The following CLOCK variants were observed in gnomAD, a reference collection of about 807,000 sequenced individuals.
CLOCK encodes the protein circadian locomoter output cycles protein kaput.
CLOCK carries 43 observed loss-of-function variants against 118.4 expected under a neutral mutation model. The observed-to-expected ratio is 0.36, with a 90% CI of 0.28 to 0.47. The LOEUF is 0.47. Among genes scored for constraint, CLOCK ranks in the 20% least tolerant of loss-of-function variants. The probability of loss-of-function intolerance (pLI) is 1.00; values close to 1 mark genes in which losing one functional copy is unlikely to be tolerated. For synonymous variants in CLOCK, 326 were observed against 339.2 expected (o/e 0.96, Z 0.43); for missense variants, 846 against 999.9 (o/e 0.85, Z 2.08).
chr4:55,441,199 CAACTT>C (rs1443406736), intron 21 of CLOCK, among the ~76,000 whole-genome samples: 1 of 152,150 alleles, frequency 6.6e-6, no homozygotes, highest in Non-Finnish European at 1.5e-5. Flanking sequence ...CAGGGAAACT[CAACTT>C]AAAACCACAA....
intron 8 of CLOCK, among the ~76,000 whole-genome samples, chr4:55,468,981 TG>T (rs2109847483): frequency 6.6e-6 from 1 of 152,314 alleles, no homozygotes; most frequent in South Asian, 2.1e-4. Flanking sequence ...TGGTGATGCT[TG>T]TGTAAACAAA....
At position 55,500,562 on chromosome 4, in the gene CLOCK, G is replaced by A. The variant is rs536564215; in HGVS notation, c.-136+9350C>T. Among the ~76,000 whole-genome samples the A allele has an allele frequency of 1.5e-3, 226 of 152,084 alleles. 2 individuals are homozygous for A. Among genetic ancestry groups the A allele is most frequent in the African/African-American group, 5.2e-3 (216 of 41,506 alleles). On this transcript the variant is annotated intron_variant, in intron 2 of 22. Transcript: ENST00000513440. ...GACAAGATCTCATTATGTTGCCCAG[G>A]CTGGTCTCTAACTCCTGGGCTCAAG...
intron 2 of CLOCK, among the ~76,000 whole-genome samples, chr4:55,507,193 T>C (rs1728862866): frequency 6.6e-6 from 1 of 152,120 alleles, no homozygotes; most frequent in African/African-American, 2.4e-5. Context: ...TATGCACCTA[T>C]AGTCTCAGCT....
chr4:55,441,181 T>C (rs949927464), intron 21 of CLOCK, among the ~76,000 whole-genome samples: 1 of 152,150 alleles, frequency 6.6e-6, no homozygotes, highest in Admixed American at 6.5e-5. Context: ...CCTCAAAAGA[T>C]AGATGTTCAG....
chr4:55,457,559 T>C (rs1725003709), intron 11 of CLOCK, among the ~76,000 whole-genome samples: 1 of 152,176 alleles, frequency 6.6e-6, no homozygotes, highest in Non-Finnish European at 1.5e-5. Flanking sequence ...CAGTGGTTCC[T>C]TGTGCTAAAC....
intron 3 of CLOCK, among the ~76,000 whole-genome samples, chr4:55,483,070 T>TTTG (rs1727038908): frequency 6.6e-6 from 1 of 152,204 alleles, no homozygotes; most frequent in South Asian, 2.1e-4. Context: ...TTCTCTTTAC[T>TTTG]ATCAATCAAA....
chr4:55,517,407 G>A lies in CLOCK; in HGVS notation c.-289-7342C>T, dbSNP rs547203062. Among the ~76,000 whole-genome samples the A allele has an allele frequency of 7.2e-4, 110 of 152,304 alleles. 1 individual carries two copies. The Middle Eastern group carries it at 0.01, about 14-fold the overall frequency. On this transcript the variant is annotated intron_variant, in intron 1 of 22. Transcript: ENST00000513440. ...GGCCTGTAGTCCCAGCTACTCAGGA[G>A]GCTGAGGCAGGAGAATCACTTGAAC... is the stretch of plus-strand genomic sequence containing the variant.
chr4:55,435,317 A>C lies in CLOCK; in HGVS notation c.*98T>G. Reference sequence around the variant, plus strand: ...AGAACACTCAATACTGCATCTCATGAAACTGCTGGAACTTTCCCTCCTTTC... The same window carrying C: ...AGAACACTCAATACTGCATCTCATGCAACTGCTGGAACTTTCCCTCCTTTC... On this transcript the variant is annotated 3_prime_UTR_variant, in exon 23 of 23. Coordinates refer to ENST00000513440, the MANE Select transcript of CLOCK (RefSeq NM_004898.4). The C allele has an allele frequency of 7.0e-7, 1 of 1,427,312 alleles. No individual in the cohort carries two copies. Among genetic ancestry groups the C allele is most frequent in the Non-Finnish European group, 9.9e-7 (1 of 1,014,704 alleles). The allele number at this position is 1,427,312 out of a possible 1,614,324, so 88.4% of individuals were successfully genotyped here. A position where few individuals can be genotyped will look rare whatever the true frequency, so the allele number is the denominator to read the frequency against.
chr4:55,505,928 T>C lies in CLOCK; in HGVS notation c.-136+3984A>G, dbSNP rs923529639. Reference sequence around the variant, plus strand: ...GAACCATTTGAAAGTAAAATGCACATATCATACCTTTTTACCTCTAAATAC... The same window carrying C: ...GAACCATTTGAAAGTAAAATGCACACATCATACCTTTTTACCTCTAAATAC... On this transcript the variant is annotated intron_variant, in intron 2 of 22. Coordinates refer to ENST00000513440, the MANE Select transcript of CLOCK (RefSeq NM_004898.4). Among the ~76,000 whole-genome samples, 3 of 151,812 alleles carry C rather than the reference T, an allele frequency of 2.0e-5. No homozygotes were observed. The East Asian group carries it at 5.8e-4, about 30-fold the overall frequency.
intron 1 of CLOCK, among the ~76,000 whole-genome samples, chr4:55,536,513 C>A (rs1250874023): frequency 6.6e-6 from 1 of 152,060 alleles, no homozygotes; most frequent in Non-Finnish European, 1.5e-5. Context: ...GGGACCTGCC[C>A]CACCTTGCTC....
intron 4 of CLOCK, 122 bp downstream of exon 4, chr4:55,482,617 G>A: frequency 3.1e-6 from 2 of 646,938 alleles, no homozygotes; most frequent in Non-Finnish European, 5.2e-6. Flanking sequence ...TACAGAAACT[G>A]AATGCAATAG....
At chr4:55,456,092 A>AT (rs1479925332) in intron 12 of CLOCK, 89 bp from the exon 13 acceptor site, 5 of 1,363,768 alleles carry the variant, frequency 3.7e-6, no homozygotes, top group Non-Finnish European at 4.1e-6. Context: ...GGGGGGCTTT[A>AT]TTTTTCAAAA....
At chr4:55,527,077 A>G (rs922265872) in intron 1 of CLOCK, among the ~76,000 whole-genome samples, 3 of 152,174 alleles carry the variant, frequency 2.0e-5, no homozygotes, top group Non-Finnish European at 4.4e-5. Context: ...AATGACATCA[A>G]AAGGAATAAG....
chr4:55,457,087 C>T (rs1434711193), intron 11 of CLOCK, among the ~76,000 whole-genome samples: 1 of 152,178 alleles, frequency 6.6e-6, no homozygotes, highest in Admixed American at 6.5e-5. Context: ...ACACATTTTC[C>T]ATTCACACAT....
At chr4:55,530,374 C>A (rs917365245) in intron 1 of CLOCK, among the ~76,000 whole-genome samples, 2 of 152,100 alleles carry the variant, frequency 1.3e-5, no homozygotes, top group Admixed American at 6.6e-5. Context: ...AATTTCTACA[C>A]CCAGCCAAAC....
rs373338823 is a variant in CLOCK at position 55,484,784 on chromosome 4, G to A, written c.-43-1956C>T. Reference sequence around the variant, plus strand: ...GGCAGGGGGTGGTGGCGGGGACTAGGCAACGCCAAGAATTAAGGGTTATAC... The same window carrying A: ...GGCAGGGGGTGGTGGCGGGGACTAGACAACGCCAAGAATTAAGGGTTATAC... On this transcript the variant is annotated intron_variant, in intron 3 of 22. Transcript: ENST00000513440. 2.9e-3 allele frequency among the ~76,000 whole-genome samples: 437 copies of A among 152,244 alleles called. 1 individual carries two copies. Among genetic ancestry groups the A allele is most frequent in the African/African-American group, 0.01 (422 of 41,548 alleles).
intron 2 of CLOCK, among the ~76,000 whole-genome samples, chr4:55,506,934 AGAG>A (rs1229557186): frequency 5.9e-5 from 9 of 152,202 alleles, no homozygotes; most frequent in African/African-American, 1.9e-4. Context: ...TTCTTAGATT[AGAG>A]GTTTATATTC....
At chr4:55,500,092 T>G (rs1173872532) in intron 2 of CLOCK, among the ~76,000 whole-genome samples, 2 of 152,162 alleles carry the variant, frequency 1.3e-5, no homozygotes, top group Non-Finnish European at 2.9e-5. Flanking sequence ...GTCCTATGAC[T>G]AGAAATAAAG....
intron 3 of CLOCK, among the ~76,000 whole-genome samples, chr4:55,483,891 G>C (rs1727109149): frequency 6.6e-6 from 1 of 152,138 alleles, no homozygotes; most frequent in South Asian, 2.1e-4. Context: ...CCTAAAATTT[G>C]TCTCTCTATA....
Sources: gnomAD v4.1 joint callset for allele counts (sites outside exome capture counted in the v4.1 genomes callset) on GRCh38, gnomAD v4.1.1 for gene constraint, MANE v1.5 for transcripts, NCBI Gene and HGNC (gene_info 2026-07-23, HGNC 2026-07-21) for gene names.